KIFAP3: variants seen among roughly 807,000 people sequenced by gnomAD.
KIFAP3 encodes the protein kinesin-associated protein 3.
KIFAP3 carries 68 observed loss-of-function variants against 106.5 expected under a neutral mutation model. The ratio of observed to expected loss-of-function variants is 0.64; its 90% CI spans 0.53 to 0.78. The LOEUF (loss-of-function observed/expected upper bound fraction) is 0.78. KIFAP3 is among the 30% of genes least tolerant of loss of function. KIFAP3 has a pLI of 0.00. For missense variants in KIFAP3, 780 were observed against 941.8 expected (o/e 0.83, Z 2.25); for synonymous variants, 320 against 311.5 (o/e 1.03, Z -0.29).
upstream of KIFAP3, among the ~76,000 whole-genome samples, chr1:170,078,145 G>A (rs192262734): frequency 1.8e-4 from 27 of 151,994 alleles, no homozygotes; most frequent in African/African-American, 4.1e-4. Context: ...AATGAATGCC[G>A]TTCTGCATTT....
intron 1 of KIFAP3, among the ~76,000 whole-genome samples, chr1:170,067,180 C>T (rs1239933630): frequency 6.6e-6 from 1 of 151,910 alleles, no homozygotes; most frequent in Non-Finnish European, 1.5e-5. Context: ...ATGTAAAACA[C>T]AAGCAAAAGT....
At chr1:170,000,592 A>C (rs1667616430) in intron 10 of KIFAP3, among the ~76,000 whole-genome samples, 1 of 152,170 alleles carries the variant, frequency 6.6e-6, no homozygotes, top group Non-Finnish European at 1.5e-5. Context: ...GACTAAAAAC[A>C]CATTGAAGCT....
chr1:170,027,585 T>A (rs1669179681), intron 8 of KIFAP3, among the ~76,000 whole-genome samples: 1 of 152,084 alleles, frequency 6.6e-6, no homozygotes, highest in African/African-American at 2.4e-5. Context: ...AACAGCAGTT[T>A]AGAGATAGAA....
chr1:170,075,361 T>C (rs1310309490), upstream of KIFAP3, among the ~76,000 whole-genome samples: 2 of 152,214 alleles, frequency 1.3e-5, no homozygotes, highest in Non-Finnish European at 2.9e-5. Flanking sequence ...ATTTATTTGG[T>C]AAATGTGAAT....
intron 11 of KIFAP3, among the ~76,000 whole-genome samples, chr1:169,991,534 A>G (rs985173650): frequency 6.6e-6 from 1 of 152,208 alleles, no homozygotes; most frequent in Non-Finnish European, 1.5e-5. Flanking sequence ...TAAAAATTAA[A>G]TGCTAGCTGG....
At chr1:170,081,675 A>G (rs1488874047) in intron 1 of KIFAP3, among the ~76,000 whole-genome samples, 3 of 152,160 alleles carry the variant, frequency 2.0e-5, no homozygotes, top group Non-Finnish European at 4.4e-5. Flanking sequence ...ACATCTCTCT[A>G]TGACCACAGC....
intron 2 of KIFAP3, among the ~76,000 whole-genome samples, chr1:170,053,044 A>T (rs1298032425): frequency 6.6e-6 from 1 of 152,244 alleles, no homozygotes; most frequent in Non-Finnish European, 1.5e-5. Context: ...AAAGTGAAGA[A>T]GTCAAATTGT....
At chr1:170,045,250 A>G (rs576289223) in intron 3 of KIFAP3, among the ~76,000 whole-genome samples, 5 of 152,268 alleles carry the variant, frequency 3.3e-5, no homozygotes, top group East Asian at 1.9e-4. Context: ...CTCACCTGCG[A>G]TAAGTAAAAA....
chr1:169,965,334 C>A (rs1665555222), intron 17 of KIFAP3, among the ~76,000 whole-genome samples: 1 of 151,576 alleles, frequency 6.6e-6, no homozygotes, highest in Non-Finnish European at 1.5e-5. Flanking sequence ...ATCATACGAT[C>A]TGATGATTTC....
At chr1:170,012,960 C>A (rs551178250) in intron 10 of KIFAP3, among the ~76,000 whole-genome samples, 1 of 152,054 alleles carries the variant, frequency 6.6e-6, no homozygotes. Flanking sequence ...CCACCTGGCC[C>A]GGCCCTTGAA....
intron 3 of KIFAP3, chr1:170,041,819 A>G (rs947710647): frequency 1.0e-5 from 15 of 1,495,698 alleles, no homozygotes; most frequent in Non-Finnish European, 1.3e-5. Flanking sequence ...CCTCTTCAGA[A>G]GTCCTGCTGA....
At chr1:170,055,522 G>A in intron 1 of KIFAP3, 86 bp from the exon 2 acceptor site, 3 of 1,069,228 alleles carry the variant, frequency 2.8e-6, no homozygotes, top group African/African-American at 1.6e-5. Context: ...CTATAACGTG[G>A]GTTGGATTAA....
chr1:170,039,093 C>A, intron 4 of KIFAP3, 140 bp downstream of exon 4: 1 of 466,508 alleles, frequency 2.1e-6, no homozygotes, highest in South Asian at 6.0e-5. Context: ...TAATGATTTT[C>A]TACCTTTTCA....
intron 8 of KIFAP3, among the ~76,000 whole-genome samples, chr1:170,031,171 T>C (rs1055640151): frequency 6.6e-6 from 1 of 151,800 alleles, no homozygotes; most frequent in Non-Finnish European, 1.5e-5. Flanking sequence ...AAATGAACCT[T>C]TGAAAATCTG....
chr1:169,926,202 C>A (rs879502004), intron 19 of KIFAP3, among the ~76,000 whole-genome samples: 1 of 152,142 alleles, frequency 6.6e-6, no homozygotes, highest in Non-Finnish European at 1.5e-5. Context: ...TTGGAAAGTT[C>A]TTTATTACAC....
chr1:169,996,111 T>C (rs1261068882), intron 10 of KIFAP3, among the ~76,000 whole-genome samples: 1 of 152,124 alleles, frequency 6.6e-6, no homozygotes, highest in East Asian at 1.9e-4. Flanking sequence ...TTTCCAAAAG[T>C]AGGATGATTC....
chr1:170,050,790 T>C (rs1298449852), intron 2 of KIFAP3, among the ~76,000 whole-genome samples: 1 of 152,068 alleles, frequency 6.6e-6, no homozygotes, highest in Non-Finnish European at 1.5e-5. Context: ...GACAAGCAAA[T>C]GCTGAGGGAT....
chr1:170,074,547 T>C lies in KIFAP3; in HGVS notation c.-80A>G. The C allele has an allele frequency of 6.2e-7, 1 of 1,604,410 alleles. No individual in the cohort carries two copies. ...TTATTTCCGGGGACGGTGGCCAAAG[T>C]ACCCTCACACCCAGAGGCGATGACA... On this transcript the variant is annotated 5_prime_UTR_variant, in exon 1 of 20. Transcript: ENST00000361580.
intron 8 of KIFAP3, among the ~76,000 whole-genome samples, chr1:170,031,654 T>A (rs1240641179): frequency 1.3e-5 from 2 of 151,742 alleles, no homozygotes; most frequent in African/African-American, 4.8e-5. Context: ...AAATCCTTTC[T>A]TAGGAAATAA....
Sources: allele counts gnomAD v4.1 joint callset (sites outside exome capture counted in the v4.1 genomes callset), GRCh38; gene constraint gnomAD v4.1.1; transcripts MANE v1.5; gene names NCBI Gene and HGNC (gene_info 2026-07-23, HGNC 2026-07-21).